The following PCDH10 variants were observed in gnomAD, a reference collection of about 807,000 sequenced individuals.
The protein encoded by PCDH10 is protocadherin-10.
Under a neutral mutation model 74.4 loss-of-function variants are expected in PCDH10, and 15 were observed. The ratio of observed to expected loss-of-function variants is 0.20; its 90% CI spans 0.13 to 0.31. PCDH10 has a LOEUF of 0.31. Among genes scored for constraint, PCDH10 ranks in the 10% least tolerant of loss-of-function variants. The probability of loss-of-function intolerance (pLI) is 1.00; values close to 1 mark genes in which losing one functional copy is unlikely to be tolerated. For synonymous variants in PCDH10, 619 were observed against 589.8 expected (o/e 1.05, Z -0.72); for missense variants, 1,260 against 1,390.2 (o/e 0.91, Z 1.49).
At chr4:133,182,047 TA>T (rs1727428356) in intron 4 of PCDH10, among the ~76,000 whole-genome samples, 1 of 152,150 alleles carries the variant, frequency 6.6e-6, no homozygotes, top group Non-Finnish European at 1.5e-5. Flanking sequence ...TATTTGCCTG[TA>T]TTTTTTTCTC....
intron 4 of PCDH10, among the ~76,000 whole-genome samples, chr4:133,186,213 C>T (rs1383155786): frequency 6.6e-6 from 1 of 152,004 alleles, no homozygotes; most frequent in Non-Finnish European, 1.5e-5. Context: ...AATCTCTTTT[C>T]CATTAAGGAT....
Position 133,190,311 on chromosome 4 carries a change from G to A in PCDH10, c.*151G>A. ...GATGGAGTCATCATGGCCAATTATA[G>A]GACCTAATTGCTCTCAGCAGGCCTG... On this transcript the variant is annotated 3_prime_UTR_variant, in exon 5 of 5. Transcript: ENST00000264360. 1 of 698,932 alleles carries A rather than the reference G, an allele frequency of 1.4e-6. No individual in the cohort carries two copies. The highest frequency in any genetic ancestry group is 1.6e-5 in the South Asian group (1 of 61,342). The allele number at this position is 698,932 out of a possible 1,614,324, so 43.3% of individuals were successfully genotyped here.
chr4:133,161,813 G>A (rs1031809939), intron 3 of PCDH10, among the ~76,000 whole-genome samples: 2 of 151,894 alleles, frequency 1.3e-5, no homozygotes, highest in South Asian at 4.1e-4. Context: ...CCAGTGAGCT[G>A]GGGAGCTTCT....
chr4:133,162,556 A>G (rs1325211507), intron 3 of PCDH10, among the ~76,000 whole-genome samples: 3 of 152,108 alleles, frequency 2.0e-5, no homozygotes, highest in African/African-American at 7.2e-5. Context: ...AAAAAGTCAA[A>G]TATTTATCAT....
At chr4:133,175,146 TG>T (rs1403761590) in intron 4 of PCDH10, among the ~76,000 whole-genome samples, 3 of 152,044 alleles carry the variant, frequency 2.0e-5, no homozygotes, top group African/African-American at 7.2e-5. Context: ...CATATTGTTT[TG>T]AAGTTAATTT....
chr4:133,164,507 G>A (rs574742849), intron 4 of PCDH10, among the ~76,000 whole-genome samples: 1 of 151,664 alleles, frequency 6.6e-6, no homozygotes, highest in East Asian at 1.9e-4. Flanking sequence ...AAAAGTGAAG[G>A]GTATATGATT....
chr4:133,181,539 T>A (rs1727418047), intron 4 of PCDH10, among the ~76,000 whole-genome samples: 1 of 152,076 alleles, frequency 6.6e-6, no homozygotes, highest in African/African-American at 2.4e-5. Context: ...CTACTAAAAA[T>A]TATTCATTGT....
chr4:133,190,114 T>TA, intron 4 of PCDH10, 27 bp from the exon 5 acceptor site: 1 of 1,592,860 alleles, frequency 6.3e-7, no homozygotes, highest in Non-Finnish European at 8.6e-7. Flanking sequence ...CTCTTTTTCT[T>TA]AGAGTATTTT....
intron 2 of PCDH10, among the ~76,000 whole-genome samples, chr4:133,203,751 C>T (rs948257460): frequency 1.3e-5 from 2 of 152,204 alleles, no homozygotes; most frequent in African/African-American, 4.8e-5. Context: ...GTTTCCTGAT[C>T]ACTCTTGGTG....
chr4:133,197,471 A>G (rs1196363411), downstream of PCDH10, among the ~76,000 whole-genome samples: 1 of 152,110 alleles, frequency 6.6e-6, no homozygotes, highest in Non-Finnish European at 1.5e-5. Context: ...TTTTGAATCA[A>G]TTAAAAGTTT....
chr4:133,202,584 A>G (rs1316753833), intron 2 of PCDH10, among the ~76,000 whole-genome samples: 1 of 152,120 alleles, frequency 6.6e-6, no homozygotes, highest in Non-Finnish European at 1.5e-5. Flanking sequence ...CTGTGGGGCA[A>G]GAGATTCTCA....
chr4:133,191,730 A>T lies in PCDH10; in HGVS notation c.*1570A>T, dbSNP rs2125874411. The T allele has an allele frequency of 6.6e-6, 1 of 151,794 alleles. No homozygotes were observed. Among genetic ancestry groups the T allele is most frequent in the Admixed American group, 6.6e-5 (1 of 15,196 alleles). 9.4% of individuals were successfully genotyped at this position (151,794 alleles called of 1,614,324 possible). On this transcript the variant is annotated 3_prime_UTR_variant, in exon 5 of 5. Transcript: ENST00000264360. The stretch of plus-strand genomic sequence containing the variant: ...TCGCCCTCTAAACTATGATATCAAA[A>T]CATCATATCAAAGCTTCAACATTAT...
At chr4:133,173,408 G>A (rs1377766814) in intron 4 of PCDH10, among the ~76,000 whole-genome samples, 4 of 151,952 alleles carry the variant, frequency 2.6e-5, no homozygotes, top group Non-Finnish European at 5.9e-5. Flanking sequence ...CCACATTACA[G>A]GAAATATCCT....
At chr4:133,175,340 C>CA in intron 4 of PCDH10, among the ~76,000 whole-genome samples, 1 of 151,922 alleles carries the variant, frequency 6.6e-6, no homozygotes, top group East Asian at 1.9e-4. Flanking sequence ...CAAGTCTTCC[C>CA]AAGCTACTGA....
chr4:133,182,812 C>T (rs1727444941), intron 4 of PCDH10, among the ~76,000 whole-genome samples: 1 of 152,016 alleles, frequency 6.6e-6, no homozygotes, highest in Non-Finnish European at 1.5e-5. Context: ...GGGTCATATC[C>T]TGTTATTTTT....
Position 133,149,916 on chromosome 4 carries a change from C to T in PCDH10, c.-225C>T, listed in dbSNP as rs1726613040. 3 of 461,652 alleles carry T rather than the reference C, an allele frequency of 6.5e-6. No homozygotes were observed. The highest frequency in any genetic ancestry group is 7.4e-6 in the Non-Finnish European group (2 of 270,932). 28.6% of individuals were successfully genotyped at this position (461,652 alleles called of 1,614,324 possible). On this transcript the variant is annotated 5_prime_UTR_variant, in exon 1 of 5. Transcript: ENST00000264360. The stretch of plus-strand genomic sequence containing the variant: ...GATTACAGATGAGGAAAGGGGACGC[C>T]TGTCACCCTTCCTGTGCTAAGATTT...
intron 4 of PCDH10, among the ~76,000 whole-genome samples, chr4:133,173,324 G>C (rs999088656): frequency 6.6e-6 from 1 of 151,954 alleles, no homozygotes; most frequent in African/African-American, 2.4e-5. Flanking sequence ...AGATAAGATG[G>C]TAATCAGTTA....
intron 4 of PCDH10, among the ~76,000 whole-genome samples, chr4:133,181,370 G>A (rs375261766): frequency 1.5e-4 from 22 of 151,480 alleles, no homozygotes; most frequent in African/African-American, 4.4e-4. Flanking sequence ...ATACAAACTC[G>A]TCCTATACTA....
Position 133,150,680 on chromosome 4 carries a change from C to A in PCDH10, c.540C>A (p.Phe180Leu), listed in dbSNP as rs1482690505. ...DVQTQGDGNR[F>L]AELVLEKPLD... ...AGACCCAGGGGGATGGCAACCGATT[C>A]GCTGAGCTGGTGCTGGAGAAGCCAC... Residue 180 changes from phenylalanine to leucine, a missense_variant, in exon 1 of 5, where the codon TTC (phenylalanine) becomes TTA (leucine). Transcript: ENST00000264360. The A allele has an allele frequency of 6.2e-7, 1 of 1,612,756 alleles. No individual in the cohort carries two copies. The highest frequency in any genetic ancestry group is 1.3e-5 in the African/African-American group (1 of 74,748).
Sources: gnomAD v4.1 joint callset for allele counts (sites outside exome capture counted in the v4.1 genomes callset) on GRCh38, gnomAD v4.1.1 for gene constraint, MANE v1.5 for transcripts, NCBI Gene and HGNC (gene_info 2026-07-23, HGNC 2026-07-21) for gene names.